CDKAL1: variants seen among roughly 807,000 people sequenced by gnomAD.
CDKAL1 encodes the protein CDKAL1 threonylcarbamoyladenosine tRNA methylthiotransferase.
CDKAL1 carries 32 observed loss-of-function variants against 68.2 expected under a neutral mutation model. That is an observed-to-expected ratio of 0.47 (90% CI 0.35 to 0.63). The LOEUF (loss-of-function observed/expected upper bound fraction) is 0.63, where lower values mean the gene tolerates loss of function less well. Ranked by LOEUF, CDKAL1 falls within the 30% of genes least tolerant of loss-of-function variation. The probability of loss-of-function intolerance (pLI) is 0.00; values close to 1 mark genes in which losing one functional copy is unlikely to be tolerated. For missense variants in CDKAL1, 606 were observed against 696.7 expected (o/e 0.87, Z 1.47); for synonymous variants, 234 against 244.3 (o/e 0.96, Z 0.39).
In CDKAL1 at chr6:20,580,836, C is replaced by A. The variant is rs143828476; in HGVS notation, c.286+32131C>A. On this transcript the variant is annotated intron_variant, in intron 4 of 15. Coordinates refer to ENST00000274695, the MANE Select transcript of CDKAL1 (RefSeq NM_017774.3). ...TGGAGTTTCGCTTTTGTTGCCCAGG[C>A]TGAAGTGCAATGGTGCGATCTCGGC... Among the ~76,000 whole-genome samples, 5 of 151,852 alleles carry A rather than the reference C, an allele frequency of 3.3e-5. No homozygotes were observed. In the East Asian group the frequency reaches 9.7e-4, roughly 30 times the overall value.
At position 20,852,123 on chromosome 6, in the gene CDKAL1, G is replaced by T. The variant is rs548371787; in HGVS notation, c.742+5945G>T. ...ATAACAATTGTCAACTTCCAAAAAG[G>T]ATTTTAGGCAGCTTACATTAAATGA... On this transcript the variant is annotated intron_variant, in intron 9 of 15. Coordinates refer to ENST00000274695, the MANE Select transcript of CDKAL1 (RefSeq NM_017774.3). Among the ~76,000 whole-genome samples the T allele has an allele frequency of 7.2e-5, 11 of 152,182 alleles. No homozygotes were observed. In the South Asian group the frequency reaches 2.3e-3, roughly 32 times the overall value.
intron 4 of CDKAL1, among the ~76,000 whole-genome samples, chr6:20,592,362 C>G (rs1765627595): frequency 6.6e-6 from 1 of 152,078 alleles, no homozygotes; most frequent in Non-Finnish European, 1.5e-5. Flanking sequence ...TTTCTCTTGG[C>G]TGATTGCCCT....
At chr6:21,061,001 C>A (rs1398850119) in intron 11 of CDKAL1, among the ~76,000 whole-genome samples, 2 of 152,004 alleles carry the variant, frequency 1.3e-5, no homozygotes, top group Non-Finnish European at 2.9e-5. Context: ...CATATTTTTG[C>A]CAGTGAAACA....
At chr6:20,535,243 A>G (rs1442186084) in intron 1 of CDKAL1, 108 bp from the exon 2 acceptor site, 2 of 152,394 alleles carry the variant, frequency 1.3e-5, no homozygotes, top group African/African-American at 2.4e-5. Context: ...ATCCTGCTGT[A>G]TAAAGCAGTC....
chr6:20,902,234 G>A (rs1458251069), intron 9 of CDKAL1, among the ~76,000 whole-genome samples: 1 of 151,922 alleles, frequency 6.6e-6, no homozygotes. Context: ...CTGCTGTGTG[G>A]AGAATAAATT....
chr6:21,080,836 G>A (rs1176788102), intron 12 of CDKAL1, among the ~76,000 whole-genome samples: 7 of 152,194 alleles, frequency 4.6e-5, no homozygotes, highest in South Asian at 2.1e-4. Flanking sequence ...AGATGGTAAA[G>A]ATAAGAAGAA....
At chr6:21,201,738 C>G (rs1778699911) in intron 15 of CDKAL1, among the ~76,000 whole-genome samples, 1 of 152,104 alleles carries the variant, frequency 6.6e-6, no homozygotes, top group African/African-American at 2.4e-5. Flanking sequence ...AGCTGGATAT[C>G]TACTTTAGTC....
intron 12 of CDKAL1, among the ~76,000 whole-genome samples, chr6:21,104,808 A>G (rs903923105): frequency 5.9e-5 from 9 of 152,372 alleles, no homozygotes; most frequent in African/African-American, 1.9e-4. Flanking sequence ...CTTTCCCAAA[A>G]TCGAGATAAT....
chr6:20,690,688 G>C (rs1770833449), intron 5 of CDKAL1, among the ~76,000 whole-genome samples: 1 of 150,978 alleles, frequency 6.6e-6, no homozygotes, highest in Non-Finnish European at 1.5e-5. Flanking sequence ...CTTTATTATA[G>C]ACTTCATGTT....
chr6:20,670,134 A>G (rs1769741779), intron 5 of CDKAL1, among the ~76,000 whole-genome samples: 1 of 152,168 alleles, frequency 6.6e-6, no homozygotes, highest in Non-Finnish European at 1.5e-5. Flanking sequence ...AATCCTATTA[A>G]TCATATACAG....
chr6:21,032,138 C>A (rs1026730299), intron 11 of CDKAL1, among the ~76,000 whole-genome samples: 5 of 152,170 alleles, frequency 3.3e-5, no homozygotes, highest in East Asian at 1.9e-4. Flanking sequence ...TGACTCACCC[C>A]CTCCTGGCCC....
At chr6:21,050,371 A>G (rs983490903) in intron 11 of CDKAL1, among the ~76,000 whole-genome samples, 2 of 152,170 alleles carry the variant, frequency 1.3e-5, no homozygotes, top group African/African-American at 4.8e-5. Flanking sequence ...TGCCTGTGTT[A>G]TAGCTTGTAC....
intron 8 of CDKAL1, among the ~76,000 whole-genome samples, chr6:20,844,671 G>A (rs1227813374): frequency 1.4e-5 from 2 of 143,532 alleles, no homozygotes; most frequent in East Asian, 2.1e-4. Flanking sequence ...GCAACATAGC[G>A]AGACCCCGTT....
chr6:20,581,330 G>A (rs1765136194), intron 4 of CDKAL1, among the ~76,000 whole-genome samples: 1 of 152,126 alleles, frequency 6.6e-6, no homozygotes, highest in Non-Finnish European at 1.5e-5. Context: ...TTTTCATAGA[G>A]TCCATGCAAT....
chr6:20,691,529 T>G (rs1770869526), intron 5 of CDKAL1, among the ~76,000 whole-genome samples: 1 of 152,112 alleles, frequency 6.6e-6, no homozygotes, highest in Non-Finnish European at 1.5e-5. Flanking sequence ...AGAGGAGGCC[T>G]TATTTTCTTA....
At chr6:20,631,171 G>A (rs936184280) in intron 4 of CDKAL1, among the ~76,000 whole-genome samples, 3 of 151,168 alleles carry the variant, frequency 2.0e-5, no homozygotes, top group Non-Finnish European at 4.5e-5. Context: ...CACCTGTTAC[G>A]CCTCTGTGAC....
chr6:20,742,112 T>C (rs750660476), intron 6 of CDKAL1, among the ~76,000 whole-genome samples: 3 of 152,198 alleles, frequency 2.0e-5, no homozygotes, highest in Non-Finnish European at 4.4e-5. Context: ...ATGTCTTCTT[T>C]TGAAGTGTCT....
chr6:20,844,711 CAA>C (rs1554129778), intron 8 of CDKAL1, among the ~76,000 whole-genome samples: 1 of 28,662 alleles, frequency 3.5e-5, no homozygotes, highest in African/African-American at 6.5e-5. Context: ...AACAGAAAAA[CAA>C]AAACAAAAAA....
intron 5 of CDKAL1, among the ~76,000 whole-genome samples, chr6:20,731,994 C>T (rs1281037444): frequency 6.6e-6 from 1 of 152,096 alleles, no homozygotes; most frequent in African/African-American, 2.4e-5. Context: ...AGCAGCCAGC[C>T]TGGTAGGACT....
Sources: allele counts gnomAD v4.1 joint callset (sites outside exome capture counted in the v4.1 genomes callset), GRCh38; gene constraint gnomAD v4.1.1; transcripts MANE v1.5; gene names NCBI Gene and HGNC (gene_info 2026-07-23, HGNC 2026-07-21).